The following GRIK2 variants were observed in gnomAD, a reference collection of about 807,000 sequenced individuals.
The protein encoded by GRIK2 is glutamate ionotropic receptor kainate type subunit 2, also known as glutamate receptor ionotropic, kainate 2.
GRIK2 carries 32 observed loss-of-function variants against 100.3 expected under a neutral mutation model. That is an observed-to-expected ratio of 0.32 (90% CI 0.24 to 0.43). The LOEUF is 0.43. GRIK2 is among the 20% of genes least tolerant of loss of function. The pLI is 1.00. For synonymous variants in GRIK2, 417 were observed against 389.4 expected (o/e 1.07, Z -0.83); for missense variants, 843 against 1,114.9 (o/e 0.76, Z 3.47).
chr6:101,813,381 A>T (rs886315641), intron 9 of GRIK2, among the ~76,000 whole-genome samples: 1 of 152,146 alleles, frequency 6.6e-6, no homozygotes, highest in Admixed American at 6.6e-5. Context: ...TTTATATAAG[A>T]AGGCAGCAAA....
chr6:101,579,432 TTTTA>T (rs1024496804), intron 2 of GRIK2, among the ~76,000 whole-genome samples: 125 of 152,246 alleles, frequency 8.2e-4, no homozygotes, highest in Middle Eastern at 3.4e-3. Flanking sequence ...TTTCTTTATC[TTTTA>T]TTTCTTTTTT....
intron 12 of GRIK2, among the ~76,000 whole-genome samples, chr6:101,905,041 A>G (rs1788130549): frequency 6.6e-6 from 1 of 151,622 alleles, no homozygotes; most frequent in African/African-American, 2.4e-5. Flanking sequence ...AATGACAATT[A>G]TTAATGTTCT....
In GRIK2 at chr6:101,626,498, G is replaced by C; in HGVS notation, c.402G>C (p.Trp134Cys). 6.2e-7 allele frequency: 1 copy of C among 1,613,972 alleles called. No homozygotes were observed. Among genetic ancestry groups the C allele is most frequent in the Non-Finnish European group, 8.5e-7 (1 of 1,179,942 alleles). ...ALGVPHIQTR[W>C]KHQVSDNKDS... Reference sequence around the variant, plus strand: ...GAGTTCCCCACATACAGACCCGCTGGAAGCACCAGGTGTCAGACAACAAAG... The same window carrying C: ...GAGTTCCCCACATACAGACCCGCTGCAAGCACCAGGTGTCAGACAACAAAG... The change falls in exon 4 of 17, where the codon TGG becomes TGC. Residue 134 changes from tryptophan to cysteine, a missense_variant. Trp to Cys is a radical substitution (Grantham distance 215). Transcript: ENST00000369134.
intron 11 of GRIK2, among the ~76,000 whole-genome samples, chr6:101,888,119 A>G (rs1238922082): frequency 2.0e-5 from 3 of 152,052 alleles, no homozygotes; most frequent in Non-Finnish European, 4.4e-5. Context: ...GTTTCTATAT[A>G]TTTCCCTTTC....
intron 11 of GRIK2, among the ~76,000 whole-genome samples, chr6:101,882,456 T>TA (rs900206683): frequency 6.6e-6 from 1 of 152,142 alleles, no homozygotes; most frequent in Non-Finnish European, 1.5e-5. Context: ...TCATTGTCAT[T>TA]AATGGCAAGT....
At chr6:101,719,590 G>T (rs1774330354) in intron 7 of GRIK2, among the ~76,000 whole-genome samples, 1 of 151,938 alleles carries the variant, frequency 6.6e-6, no homozygotes, top group South Asian at 2.1e-4. Flanking sequence ...AGTTCAGTGG[G>T]CAGTTAGATG....
At chr6:101,692,056 A>G (rs1020848109) in intron 7 of GRIK2, among the ~76,000 whole-genome samples, 4 of 151,232 alleles carry the variant, frequency 2.6e-5, no homozygotes, top group Middle Eastern at 3.2e-3. Flanking sequence ...AAAAAAAAAA[A>G]AAAAAAAAAA....
chr6:101,597,137 A>C (rs780532623), intron 2 of GRIK2, among the ~76,000 whole-genome samples: 29 of 151,886 alleles, frequency 1.9e-4, no homozygotes, highest in Non-Finnish European at 5.9e-5. Flanking sequence ...ATTGATAGAG[A>C]AAACCAAATA....
At chr6:102,028,779 A>C (rs2114397856) in intron 14 of GRIK2, among the ~76,000 whole-genome samples, 1 of 151,226 alleles carries the variant, frequency 6.6e-6, no homozygotes, top group African/African-American at 2.4e-5. Flanking sequence ...TTATGTAATT[A>C]AAATTCTTTT....
intron 14 of GRIK2, among the ~76,000 whole-genome samples, chr6:101,934,168 T>C (rs938451931): frequency 6.6e-6 from 1 of 151,920 alleles, no homozygotes; most frequent in Non-Finnish European, 1.5e-5. Context: ...AAGTGACTTA[T>C]TAATTATAAC....
chr6:101,433,436 A>G (rs1456601740), intron 2 of GRIK2, among the ~76,000 whole-genome samples: 1 of 152,164 alleles, frequency 6.6e-6, no homozygotes, highest in Non-Finnish European at 1.5e-5. Flanking sequence ...AATATTAGCA[A>G]CTACTTCTTA....
At chr6:101,698,234 A>G (rs1397457019) in intron 7 of GRIK2, among the ~76,000 whole-genome samples, 2 of 152,090 alleles carry the variant, frequency 1.3e-5, no homozygotes, top group Admixed American at 1.3e-4. Context: ...TAAAAAATGT[A>G]GCCTATGCAG....
At chr6:101,972,715 T>C (rs1205907644) in intron 14 of GRIK2, among the ~76,000 whole-genome samples, 1 of 151,910 alleles carries the variant, frequency 6.6e-6, no homozygotes, top group Non-Finnish European at 1.5e-5. Flanking sequence ...CTTGGGTTGA[T>C]TTTTATATAT....
chr6:101,986,516 A>G (rs1582669974), intron 14 of GRIK2, among the ~76,000 whole-genome samples: 3 of 151,886 alleles, frequency 2.0e-5, no homozygotes, highest in African/African-American at 7.2e-5. Flanking sequence ...TTTGACAGTC[A>G]TAAGGAGATG....
chr6:102,057,892 G>A (rs766672900), intron 16 of GRIK2, among the ~76,000 whole-genome samples: 7 of 151,810 alleles, frequency 4.6e-5, no homozygotes, highest in Admixed American at 2.6e-4. Context: ...CTTAAAATGA[G>A]ACATTAACTT....
intron 2 of GRIK2, among the ~76,000 whole-genome samples, chr6:101,561,048 A>T (rs772505689): frequency 6.6e-6 from 1 of 152,210 alleles, no homozygotes; most frequent in Non-Finnish European, 1.5e-5. Flanking sequence ...AAGTAATGAG[A>T]CAAAAGATAG....
At chr6:102,007,320 G>A (rs1304016311) in intron 14 of GRIK2, among the ~76,000 whole-genome samples, 2 of 152,246 alleles carry the variant, frequency 1.3e-5, no homozygotes, top group East Asian at 1.9e-4. Context: ...TTCATAGTGT[G>A]AGTTTGAGTG....
intron 14 of GRIK2, among the ~76,000 whole-genome samples, chr6:101,955,616 C>A (rs866370352): frequency 2.2e-5 from 3 of 135,506 alleles, no homozygotes; most frequent in Non-Finnish European, 4.7e-5. Context: ...CTCTCTCTCT[C>A]CCCCCCATTT....
chr6:101,740,299 T>C (rs543303404), intron 7 of GRIK2, among the ~76,000 whole-genome samples: 6 of 152,286 alleles, frequency 3.9e-5, no homozygotes, highest in Admixed American at 2.0e-4. Flanking sequence ...TAGCATTGTA[T>C]TTCCTGTTCC....
Sources: allele counts gnomAD v4.1 joint callset (sites outside exome capture counted in the v4.1 genomes callset), GRCh38; gene constraint gnomAD v4.1.1; transcripts MANE v1.5; gene names NCBI Gene and HGNC (gene_info 2026-07-23, HGNC 2026-07-21).